Variants in TEX26 observed in about 807,000 individuals in gnomAD.
TEX26 encodes the protein testis-expressed protein 26.
TEX26 carries 34 observed loss-of-function variants against 35.3 expected under a neutral mutation model. That is an observed-to-expected ratio of 0.96 (90% CI 0.73 to 1.28). The LOEUF (loss-of-function observed/expected upper bound fraction) is 1.28. TEX26 is among the 50% of genes most tolerant of loss of function. TEX26 has a pLI of 0.00. For synonymous variants in TEX26, 136 were observed against 111.8 expected, an observed-to-expected ratio of 1.22 and a Z score of -1.36; for missense variants, 371 against 330.1, an observed-to-expected ratio of 1.12 and a Z score of -0.96.
intron 2 of TEX26, among the ~76,000 whole-genome samples, chr13:30,940,951 A>C (rs926588255): frequency 1.3e-5 from 2 of 152,132 alleles, no homozygotes; most frequent in African/African-American, 4.8e-5. Flanking sequence ...ACAAACAAAC[A>C]AACAAAAATT....
At chr13:30,959,569 G>A (rs9562331) in intron 4 of TEX26, among the ~76,000 whole-genome samples, 61,473 of 151,474 alleles carry the variant, frequency 0.41, 14,593 homozygotes, top group East Asian at 0.68. Context: ...GCTGAGCCAA[G>A]TTGTATTTCA....
chr13:30,940,733 T>C (rs1331069940), intron 2 of TEX26, among the ~76,000 whole-genome samples: 1 of 152,108 alleles, frequency 6.6e-6, no homozygotes, highest in Non-Finnish European at 1.5e-5. Context: ...TGAGAATCTT[T>C]TCACCTTAAG....
At chr13:30,949,463 C>T (rs769105697) in intron 2 of TEX26, among the ~76,000 whole-genome samples, 2 of 151,842 alleles carry the variant, frequency 1.3e-5, no homozygotes, top group Non-Finnish European at 2.9e-5. Flanking sequence ...TCTAGCTATA[C>T]TTTCAATCCA....
intron 6 of TEX26, 173 bp from the exon 7 acceptor site, chr13:30,974,673 C>A (rs1275573218): frequency 1.9e-6 from 1 of 530,092 alleles, no homozygotes; most frequent in African/African-American, 2.0e-5. Flanking sequence ...TCAATAATTA[C>A]ACAACTGTGC....
At chr13:30,973,190 C>T (rs529888346) in intron 6 of TEX26, 2 of 152,108 alleles carry the variant, frequency 1.3e-5, no homozygotes, top group East Asian at 1.9e-4. Context: ...TAATGAAATA[C>T]CACTCAATAA....
At chr13:30,974,351 T>G (rs985319373) in intron 6 of TEX26, among the ~76,000 whole-genome samples, 1 of 151,904 alleles carries the variant, frequency 6.6e-6, no homozygotes, top group African/African-American at 2.4e-5. Flanking sequence ...TTTGGAACAA[T>G]AATTTCTATT....
chr13:30,941,643 G>T (rs1160327052), intron 2 of TEX26, among the ~76,000 whole-genome samples: 1 of 152,066 alleles, frequency 6.6e-6, no homozygotes, highest in Non-Finnish European at 1.5e-5. Context: ...CTCACCCACT[G>T]CCACCTCCCT....
At chr13:30,939,530 C>T (rs1351949894) in intron 1 of TEX26, among the ~76,000 whole-genome samples, 164 bp from the exon 2 acceptor site, 1 of 152,166 alleles carries the variant, frequency 6.6e-6, no homozygotes, top group African/African-American at 2.4e-5. Flanking sequence ...GTCGAACTTC[C>T]TCATTCCTAT....
chr13:30,974,808 G>C, intron 6 of TEX26, 38 bp from the exon 7 acceptor site: 1 of 1,506,044 alleles, frequency 6.6e-7, no homozygotes, highest in Non-Finnish European at 8.9e-7. Flanking sequence ...AAATACTTAC[G>C]TGAAAATTTT....
intron 4 of TEX26, among the ~76,000 whole-genome samples, chr13:30,965,303 C>T (rs149459264): frequency 9.9e-5 from 15 of 152,214 alleles, no homozygotes; most frequent in African/African-American, 2.6e-4. Flanking sequence ...TGATATAAAA[C>T]GTATACCAGT....
chr13:30,972,852 G>T (rs1425964316), intron 6 of TEX26, among the ~76,000 whole-genome samples: 2 of 152,206 alleles, frequency 1.3e-5, no homozygotes, highest in Non-Finnish European at 2.9e-5. Flanking sequence ...GGCCAGGCTG[G>T]TCTCAAACTC....
At chr13:30,936,508 G>C (rs1203552503) in intron 1 of TEX26, among the ~76,000 whole-genome samples, 2 of 152,214 alleles carry the variant, frequency 1.3e-5, no homozygotes, top group Non-Finnish European at 2.9e-5. Context: ...CCTATGCTAT[G>C]ATGACCCCTG....
chr13:30,970,848 G>A (rs1954689739), intron 6 of TEX26, among the ~76,000 whole-genome samples: 1 of 152,224 alleles, frequency 6.6e-6, no homozygotes, highest in Non-Finnish European at 1.5e-5. Flanking sequence ...AGATACTGGG[G>A]TAAGCTGATC....
intron 6 of TEX26, among the ~76,000 whole-genome samples, chr13:30,969,579 C>T (rs117858199): frequency 0.032 from 4,841 of 152,112 alleles, 108 homozygotes; most frequent in Non-Finnish European, 0.051. Flanking sequence ...GATTTGGGGG[C>T]ATCTTAGGGG....
rs553489437 is a variant in TEX26, at chr13:30,945,255, A to C, written c.146+5477A>C. On this transcript the variant is annotated intron_variant, in intron 2 of 6. Coordinates refer to ENST00000380473, the MANE Select transcript of TEX26 (RefSeq NM_152325.3). ...TTTAAAGTCTGTTTTATCTGATATA[A>C]GAATAGCTACTCCAGCTCGCTTTAG... Among the ~76,000 whole-genome samples, 7 of 152,062 alleles carry C rather than the reference A, an allele frequency of 4.6e-5. 1 individual carries two copies. The South Asian group carries it at 1.2e-3, about 27-fold the overall frequency.
intron 6 of TEX26, among the ~76,000 whole-genome samples, chr13:30,973,938 T>A (rs777814126): frequency 6.6e-5 from 10 of 151,420 alleles, no homozygotes; most frequent in Non-Finnish European, 1.0e-4. Flanking sequence ...TCACTTGAGG[T>A]CAGGAGTCTG....
Position 30,952,715 on chromosome 13 carries a change from A to T in TEX26, c.202A>T (p.Asn68Tyr). ...ATATTCACTTAGTGATCCTATTCTC[A>T]ATCAGACACAATATAGTGATGAGTA... ...YTYSLSDPIL[N>Y]QTQYSDEYTW... Residue 68 changes from asparagine to tyrosine, a missense_variant, in exon 3 of 7, where the codon AAT becomes TAT. Transcript: ENST00000380473. 6.2e-7 allele frequency: 1 copy of T among 1,611,804 alleles called. No homozygotes were observed. The highest frequency in any genetic ancestry group is 8.5e-7 in the Non-Finnish European group (1 of 1,178,976).
At chr13:30,939,610 G>T in intron 1 of TEX26, 84 bp from the exon 2 acceptor site, 4 of 1,276,312 alleles carry the variant, frequency 3.1e-6, no homozygotes, top group South Asian at 2.6e-5. Flanking sequence ...TTTTTCTCTT[G>T]CAAAATTATC....
rs1405133173 is a variant in TEX26, at chr13:30,952,839, T to G, written c.312+14T>G. 1.9e-6 allele frequency: 3 copies of G among 1,606,976 alleles called. No individual in the cohort carries two copies. In the South Asian group the frequency reaches 3.3e-5, roughly 18 times the overall value. On this transcript the variant is annotated intron_variant, in intron 3 of 6. Transcript: ENST00000380473. Reference sequence around the variant, plus strand: ...CATCTCAATGAAGTAAGATAATATCTACATATGTGTTGAATTTAATACTGT... The same window carrying G: ...CATCTCAATGAAGTAAGATAATATCGACATATGTGTTGAATTTAATACTGT...
Sources: gnomAD v4.1 joint callset for allele counts (sites outside exome capture counted in the v4.1 genomes callset) on GRCh38, gnomAD v4.1.1 for gene constraint, MANE v1.5 for transcripts, NCBI Gene and HGNC (gene_info 2026-07-23, HGNC 2026-07-21) for gene names.